The following TRAPPC10 variants were observed in gnomAD, a reference collection of about 807,000 sequenced individuals.
TRAPPC10 encodes trafficking protein particle complex subunit 10.
In TRAPPC10, 23 loss-of-function variants were observed where a neutral mutation model predicts 125.5. The ratio of observed to expected loss-of-function variants is 0.18; its 90% confidence interval spans 0.13 to 0.26. The LOEUF (loss-of-function observed/expected upper bound fraction) is 0.26. Ranked by LOEUF, TRAPPC10 falls within the 10% of genes least tolerant of loss-of-function variation. The probability of loss-of-function intolerance (pLI) is 1.00; values close to 1 mark genes in which losing one functional copy is unlikely to be tolerated. For missense variants in TRAPPC10, 1,123 were observed against 1,308.4 expected (o/e 0.86, Z 2.19); for synonymous variants, 509 against 518.0 (o/e 0.98, Z 0.24).
rs752555971 is a variant in TRAPPC10 at position 44,087,825 on chromosome 21, C to T, written c.2666C>T (p.Pro889Leu). 1.6e-5 allele frequency: 26 copies of T among 1,614,120 alleles called. No individual in the cohort carries two copies. The East Asian group carries it at 3.8e-4, about 24-fold the overall frequency. ...ELEVLSLPSA[P>L]ALGGESDMLG... ...GAAGTTCTCTCTTTACCTTCAGCCC[C>T]AGCACTCGGAGGGGAGAGTGACATG... Residue 889 changes from proline (P) to leucine (L), a missense_variant, in exon 17 of 23, where the codon CCA becomes CTA. Physicochemically the swap from Pro to Leu is moderately conservative, Grantham distance 98. Transcript: ENST00000291574. The surrounding 1 kb of genome is among the most constrained non-coding windows in gnomAD (Gnocchi z 4.6).
intron 18 of TRAPPC10, among the ~76,000 whole-genome samples, chr21:44,090,848 T>C (rs943039957): frequency 3.3e-5 from 5 of 152,236 alleles, no homozygotes; most frequent in Admixed American, 3.3e-4. Flanking sequence ...AAGGGAACTG[T>C]AGATATTAAT....
Position 44,086,880 on chromosome 21 carries a change from G to T in TRAPPC10, c.2459G>T (p.Ser820Ile), listed in dbSNP as rs760989783. ...CATTATACGATAAAGAATGGAGACA[G>T]CCTGCAGCTTAGCAATGCCGAAGCC... ...TGHYTIKNGDSLQLSNAEAML... is the reference protein window; with the variant it reads ...TGHYTIKNGDILQLSNAEAML... Residue 820 changes from serine (S) to isoleucine (I), a missense_variant, in exon 16 of 23, where the codon AGC becomes ATC. Ser to Ile is a moderately radical substitution (Grantham distance 142). Transcript: ENST00000291574. 6.2e-7 allele frequency: 1 copy of T among 1,614,210 alleles called. No individual in the cohort carries two copies. Among genetic ancestry groups the T allele is most frequent in the South Asian group, 1.1e-5 (1 of 91,086 alleles).
intron 7 of TRAPPC10, among the ~76,000 whole-genome samples, chr21:44,066,531 C>T (rs2036463672): frequency 6.6e-6 from 1 of 152,006 alleles, no homozygotes; most frequent in Non-Finnish European, 1.5e-5. Flanking sequence ...TTTTCTGTAA[C>T]AATTTCTAAT....
intron 1 of TRAPPC10, among the ~76,000 whole-genome samples, chr21:44,022,046 T>TCTTC (rs1161078996): frequency 6.6e-6 from 1 of 151,466 alleles, no homozygotes; most frequent in Non-Finnish European, 1.5e-5. Flanking sequence ...AAAATTTCTT[T>TCTTC]CTTTTTTTTT....
intron 1 of TRAPPC10, among the ~76,000 whole-genome samples, chr21:44,019,996 G>C (rs2032318429): frequency 6.6e-6 from 1 of 151,902 alleles, no homozygotes; most frequent in South Asian, 2.1e-4. Context: ...CCCTTATGTG[G>C]CTTTTTGGAC....
chr21:44,044,316 C>CT (rs35194707), intron 3 of TRAPPC10, among the ~76,000 whole-genome samples: 47,145 of 143,880 alleles, frequency 0.33, 10,959 homozygotes, highest in African/African-American at 0.66. Context: ...TTCTAATAGC[C>CT]TTTTTTTTTT....
rs2036233715 is a variant in TRAPPC10 at position 44,063,867 on chromosome 21, A to G, written c.1038+82A>G. 6.6e-7 allele frequency: 1 copy of G among 1,526,188 alleles called. No homozygotes were observed. Among genetic ancestry groups the G allele is most frequent in the African/African-American group, 1.4e-5 (1 of 72,234 alleles). 94.5% of individuals were successfully genotyped at this position (1,526,188 alleles called of 1,614,324 possible). A position where few individuals can be genotyped will look rare whatever the true frequency, so the allele number is the denominator to read the frequency against. On this transcript the variant is annotated intron_variant, in intron 7 of 22. Coordinates refer to ENST00000291574, the MANE Select transcript of TRAPPC10 (RefSeq NM_003274.5). The surrounding 1 kb of genome is among the most constrained non-coding windows in gnomAD (Gnocchi z 4.4). ...TGAACCTTGAGATCCCAGGCATTGA[A>G]CTGTTTGTGCTTAAGAAAGGGTTTT...
chr21:44,063,775 A>T lies in TRAPPC10; in HGVS notation c.1028A>T (p.Lys343Met), dbSNP rs139436513. The change falls in exon 7 of 23, where the codon AAG becomes ATG. Residue 343 changes from lysine (K) to methionine (M), a missense_variant. By Grantham distance (95) the Lys-to-Met change is moderately conservative. Around this residue, in one of 4 missense-constraint regions of TRAPPC10, gnomAD observed 840 missense variants for 902.0 expected, o/e 0.93. Transcript: ENST00000291574. This position sits in a 1 kb window ranked among gnomAD's most constrained non-coding sequence, Gnocchi z 4.4. ...ELLHNCVQEL[K>M]LLEVSVPPGA... is the part of the protein sequence containing the mutation. ...CTGCACAACTGCGTGCAGGAACTGA[A>T]GCTCTTAGAAGTGAGTCGGCTGTTT... The T allele has an allele frequency of 7.1e-4, 1,149 of 1,611,388 alleles. 1 individual carries two copies. The highest frequency in any genetic ancestry group is 8.5e-4 in the Non-Finnish European group (1,003 of 1,178,448).
intron 3 of TRAPPC10, among the ~76,000 whole-genome samples, chr21:44,038,794 G>A (rs768865147): frequency 4.6e-5 from 7 of 152,116 alleles, no homozygotes; most frequent in Admixed American, 2.0e-4. Context: ...GGAACTGTAA[G>A]TCTGCACCTG....
rs148635981 is a variant in TRAPPC10 at position 44,074,445 on chromosome 21, G to A, written c.1160G>A (p.Gly387Glu). 1.4e-5 allele frequency: 23 copies of A among 1,614,084 alleles called. No homozygotes were observed. In the African/African-American group the frequency reaches 2.8e-4, roughly 20 times the overall value. The change falls in exon 8 of 23, where the codon GGG becomes GAG. Residue 387 changes from glycine to glutamate, a missense_variant. Coordinates refer to ENST00000291574, the MANE Select transcript of TRAPPC10 (RefSeq NM_003274.5). Reference sequence around the variant, plus strand: ...GACTCAAACATTGCCCACACTGTGGGGCTATGGAGCTATGCCACAGAAAAG... The same window carrying A: ...GACTCAAACATTGCCCACACTGTGGAGCTATGGAGCTATGCCACAGAAAAG... The part of the protein sequence containing the change: ...QIDSNIAHTV[G>E]LWSYATEKLK...
At chr21:44,027,025 A>T (rs1037923939) in intron 1 of TRAPPC10, among the ~76,000 whole-genome samples, 1 of 152,238 alleles carries the variant, frequency 6.6e-6, no homozygotes, top group Non-Finnish European at 1.5e-5. Flanking sequence ...TCTTGTTAAC[A>T]GGTTGAAACA....
chr21:44,080,099 C>T lies in TRAPPC10; in HGVS notation c.1695C>T (p.Asp565=). The change falls in exon 13 of 23, where the codon GAC becomes GAT. Residue 565 remains aspartate (D), a synonymous_variant. Coordinates refer to ENST00000291574, the MANE Select transcript of TRAPPC10 (RefSeq NM_003274.5). ...ERKHFCQEIL[D]FASQPSDSPG... is the part of the protein sequence containing the mutation. ...AGCACTTCTGCCAGGAGATACTTGACTTTGCCAGCCAGCCGTCAGACAGCC... is the reference window on the plus strand; with the variant it reads ...AGCACTTCTGCCAGGAGATACTTGATTTTGCCAGCCAGCCGTCAGACAGCC... 6.2e-7 allele frequency: 1 copy of T among 1,614,216 alleles called. No homozygotes were observed. The highest frequency in any genetic ancestry group is 1.1e-5 in the South Asian group (1 of 91,084).
At chr21:44,031,960 C>A in intron 1 of TRAPPC10, 131 bp from the exon 2 acceptor site, 1 of 735,738 alleles carries the variant, frequency 1.4e-6, no homozygotes, top group Non-Finnish European at 2.3e-6. Flanking sequence ...GGCACAGGTA[C>A]AGAAGAATCT....
rs531468702 is a variant in TRAPPC10, at chr21:44,012,342, C to G, written c.-152C>G. The G allele has an allele frequency of 3.1e-4, 67 of 217,514 alleles. 1 individual carries two copies. In the South Asian group the frequency reaches 0.01, roughly 34 times the overall value. 13.5% of individuals were successfully genotyped at this position (217,514 alleles called of 1,614,324 possible). ...GGCCGGAAGTGGCTGAGGCCGGCAG[C>G]AGCGGGCGGCAGCTGCGGCGCAACC... On this transcript the variant is annotated 5_prime_UTR_variant, in exon 1 of 23. Coordinates refer to ENST00000291574, the MANE Select transcript of TRAPPC10 (RefSeq NM_003274.5).
At chr21:44,090,904 A>G (rs1379873024) in intron 18 of TRAPPC10, among the ~76,000 whole-genome samples, 1 of 152,150 alleles carries the variant, frequency 6.6e-6, no homozygotes, top group African/African-American at 2.4e-5. Context: ...TTAAAAAATT[A>G]TTTTTCAGCC....
chr21:44,094,028 G>A, intron 19 of TRAPPC10, 35 bp from the exon 20 acceptor site: 2 of 1,598,636 alleles, frequency 1.3e-6, no homozygotes, highest in Admixed American at 1.7e-5. Context: ...CGGTTATGGT[G>A]CTGTGTGAGC....
chr21:44,016,682 G>A (rs892248610), intron 1 of TRAPPC10, among the ~76,000 whole-genome samples: 4 of 152,042 alleles, frequency 2.6e-5, no homozygotes, highest in Admixed American at 6.6e-5. Context: ...TTTTTGAGAC[G>A]GAGTCTTGCT....
chr21:44,012,576 C>T lies in TRAPPC10; in HGVS notation c.67+16C>T, dbSNP rs945977560. On this transcript the variant is annotated intron_variant, in intron 1 of 22. Transcript: ENST00000291574. ...ATCGTCACCTGTGAGTGCCCGGAGG[C>T]GGGGAGGGCGCGGCGGTCGTTGGGC... 6 of 1,530,832 alleles carry T rather than the reference C, an allele frequency of 3.9e-6. No homozygotes were observed. The African/African-American group carries it at 4.2e-5, about 11-fold the overall frequency. 94.8% of individuals were successfully genotyped at this position (1,530,832 alleles called of 1,614,324 possible). A position where few individuals can be genotyped will look rare whatever the true frequency, so the allele number is the denominator to read the frequency against.
intron 1 of TRAPPC10, among the ~76,000 whole-genome samples, chr21:44,013,568 TCTCA>T (rs1421133347): frequency 6.6e-6 from 1 of 152,362 alleles, no homozygotes; most frequent in Admixed American, 6.5e-5. Context: ...CCTGTTTCCC[TCTCA>T]CTCTGTCAGC....
Sources: gnomAD v4.1 joint callset for allele counts (sites outside exome capture counted in the v4.1 genomes callset) on GRCh38, gnomAD v4.1.1 for gene constraint, gnomAD v4.1.1 regional missense constraint, Gnocchi (gnomAD v3.1) non-coding constraint, MANE v1.5 for transcripts, NCBI Gene and HGNC (gene_info 2026-07-23, HGNC 2026-07-21) for gene names.